The following FIG4 variants were observed in gnomAD, a reference collection of about 807,000 sequenced individuals.
FIG4 encodes polyphosphoinositide phosphatase.
FIG4 carries 112 observed loss-of-function variants against 118.6 expected under a neutral mutation model. The ratio of observed to expected loss-of-function variants is 0.94; its 90% CI spans 0.81 to 1.11. FIG4 has a LOEUF of 1.11. FIG4 is among the 50% of genes least tolerant of loss of function. The pLI is 0.00. For missense variants in FIG4, 969 were observed against 1,111.7 expected (o/e 0.87, Z 1.83); for synonymous variants, 369 against 381.2 (o/e 0.97, Z 0.37).
intron 10 of FIG4, among the ~76,000 whole-genome samples, chr6:109,757,078 G>C (rs917660214): frequency 8.5e-5 from 13 of 152,200 alleles, no homozygotes; most frequent in African/African-American, 3.1e-4. Flanking sequence ...GGCCATCTTG[G>C]CTCCTCCCCC....
intron 22 of FIG4, among the ~76,000 whole-genome samples, chr6:109,808,692 T>G (rs890726462): frequency 6.6e-6 from 1 of 152,176 alleles, no homozygotes; most frequent in African/African-American, 2.4e-5. Context: ...GCTTGGATAT[T>G]TGACAGACAC....
In FIG4 at chr6:109,741,784, C is replaced by T. The variant is rs140323535; in HGVS notation, c.876+240C>T. Among the ~76,000 whole-genome samples, 202 of 152,242 alleles carry T rather than the reference C, an allele frequency of 1.3e-3. 1 individual carries two copies. The highest frequency in any genetic ancestry group is 4.6e-3 in the African/African-American group (193 of 41,564). ...CTAGTGCTTGCATATAACCTATGTA[C>T]ATCCATCTGTATACTTTAAATCATC... On this transcript the variant is annotated intron_variant, in intron 8 of 22. Transcript: ENST00000230124.
intron 1 of FIG4, among the ~76,000 whole-genome samples, chr6:109,711,711 C>T (rs927169080): frequency 6.6e-6 from 1 of 152,086 alleles, no homozygotes; most frequent in African/African-American, 2.4e-5. Flanking sequence ...GGTCTTAGTC[C>T]TTTATCCAGT....
In FIG4 at chr6:109,716,445, C is replaced by T. The variant is rs1413702282; in HGVS notation, c.166C>T (p.His56Tyr). 2.5e-6 allele frequency: 4 copies of T among 1,613,354 alleles called. No individual in the cohort carries two copies. Among genetic ancestry groups the T allele is most frequent in the South Asian group, 2.2e-5 (2 of 91,058 alleles). Residue 56 changes from histidine to tyrosine, a missense_variant and splice_region_variant, in exon 3 of 23, where the codon CAT (histidine) becomes TAT (tyrosine). Physicochemically the swap from His to Tyr is moderately conservative, Grantham distance 83. This residue lies in a region of FIG4 where 393 missense variants were observed against 409.4 expected (regional missense o/e 0.96). Coordinates refer to ENST00000230124, the MANE Select transcript of FIG4 (RefSeq NM_014845.6). ...ACAGAGTAAATGTGCTTATTCTTAG[C>T]ATGTCTATACTCAACAAGAAGTAAG... ...PKDLVIIDDR[H>Y]VYTQQEVREL...
At chr6:109,719,698 CTG>C (rs1280371670) in intron 3 of FIG4, among the ~76,000 whole-genome samples, 1 of 152,118 alleles carries the variant, frequency 6.6e-6, no homozygotes, top group Non-Finnish European at 1.5e-5. Context: ...TCAGCCTGAA[CTG>C]TGTTTAAAAA....
intron 1 of FIG4, among the ~76,000 whole-genome samples, chr6:109,703,871 A>G (rs1774977872): frequency 6.6e-6 from 1 of 152,142 alleles, no homozygotes; most frequent in Non-Finnish European, 1.5e-5. Flanking sequence ...TTCACCAGCC[A>G]TTCCTCCCAA....
chr6:109,787,868 T>A (rs1029597509), intron 18 of FIG4, among the ~76,000 whole-genome samples: 2 of 152,208 alleles, frequency 1.3e-5, no homozygotes, highest in African/African-American at 4.8e-5. Context: ...GTTTTGTGTA[T>A]GTTTTTGTTT....
At chr6:109,701,736 C>A (rs1254164189) in intron 1 of FIG4, 2 of 471,456 alleles carry the variant, frequency 4.2e-6, no homozygotes, top group Non-Finnish European at 8.8e-6. Flanking sequence ...AGGAAATGCA[C>A]CTTTCTTAAT....
In FIG4 at chr6:109,743,321, G is replaced by C. The variant is rs536099053; in HGVS notation, c.1039+49G>C. The C allele has an allele frequency of 7.0e-5, 108 of 1,547,952 alleles. 3 individuals are homozygous for C. The South Asian group carries it at 1.1e-3, about 16-fold the overall frequency. On this transcript the variant is annotated intron_variant, in intron 9 of 22. Coordinates refer to ENST00000230124, the MANE Select transcript of FIG4 (RefSeq NM_014845.6). ...AATAACTCCTGTCCTCACATTTAGAGATAATGAACTGTTGTCACAGAAATC... is the reference window on the plus strand; with the variant it reads ...AATAACTCCTGTCCTCACATTTAGACATAATGAACTGTTGTCACAGAAATC...
chr6:109,768,967 A>G (rs1562673269), intron 15 of FIG4, among the ~76,000 whole-genome samples: 2 of 152,152 alleles, frequency 1.3e-5, no homozygotes, highest in Admixed American at 6.5e-5. Context: ...CTCATCGGCT[A>G]CTTCTGTCAT....
chr6:109,764,595 C>T (rs1162329554), intron 13 of FIG4, among the ~76,000 whole-genome samples: 1 of 151,960 alleles, frequency 6.6e-6, no homozygotes, highest in Non-Finnish European at 1.5e-5. Flanking sequence ...AGTGTATATA[C>T]TATATATGTT....
chr6:109,761,824 G>T (rs1286879180), intron 11 of FIG4, among the ~76,000 whole-genome samples: 3 of 152,126 alleles, frequency 2.0e-5, no homozygotes, highest in Non-Finnish European at 2.9e-5. Flanking sequence ...GCTCAGGCAG[G>T]GATGTTATAT....
chr6:109,793,739 C>T (rs1778202553), intron 21 of FIG4, among the ~76,000 whole-genome samples: 1 of 152,120 alleles, frequency 6.6e-6, no homozygotes, highest in Non-Finnish European at 1.5e-5. Flanking sequence ...TAGATATTGT[C>T]AGCTTTTCAT....
chr6:109,823,651 C>G (rs563224620), intron 22 of FIG4, among the ~76,000 whole-genome samples: 1 of 152,132 alleles, frequency 6.6e-6, no homozygotes, highest in East Asian at 1.9e-4. Flanking sequence ...AAGTACAGAC[C>G]CAGCTGGGTC....
chr6:109,722,149 G>A (rs2128382759), intron 3 of FIG4, among the ~76,000 whole-genome samples: 1 of 151,136 alleles, frequency 6.6e-6, no homozygotes, highest in Admixed American at 6.6e-5. Flanking sequence ...GTTGCTTTTA[G>A]TAAAGTTGTC....
intron 22 of FIG4, among the ~76,000 whole-genome samples, chr6:109,814,313 A>AT (rs72561601): frequency 0.45 from 67,608 of 151,370 alleles, 15,724 homozygotes; most frequent in East Asian, 0.83. Context: ...TAATTTTTTA[A>AT]TTTTTTTTGT....
At chr6:109,790,245 C>T (rs1188205932) in intron 19 of FIG4, among the ~76,000 whole-genome samples, 1 of 152,164 alleles carries the variant, frequency 6.6e-6, no homozygotes, top group South Asian at 2.1e-4. Context: ...AGACTCTGGC[C>T]ACATACCCCA....
chr6:109,757,492 C>G (rs1776954241), intron 10 of FIG4, among the ~76,000 whole-genome samples: 4 of 152,122 alleles, frequency 2.6e-5, no homozygotes, highest in Admixed American at 2.6e-4. Context: ...TGTAACAAAC[C>G]CACAGCCAAT....
At position 109,705,769 on chromosome 6, in the gene FIG4, A is replaced by G. The variant is rs187081791; in HGVS notation, c.67-9309A>G. ...TTCGTAGGATTTATTAAAATTCTGT[A>G]CAACAAACCCCTGTGACATGAGTTT... On this transcript the variant is annotated intron_variant, in intron 1 of 22. Transcript: ENST00000230124. Among the ~76,000 whole-genome samples the G allele has an allele frequency of 6.0e-4, 92 of 152,356 alleles. 1 individual carries two copies. The highest frequency in any genetic ancestry group is 2.1e-3 in the African/African-American group (87 of 41,586).
Sources: gnomAD v4.1 joint callset for allele counts (sites outside exome capture counted in the v4.1 genomes callset) on GRCh38, gnomAD v4.1.1 for gene constraint, gnomAD v4.1.1 regional missense constraint, MANE v1.5 for transcripts, NCBI Gene and HGNC (gene_info 2026-07-23, HGNC 2026-07-21) for gene names.